Variants in SCMH1 observed in about 807,000 individuals in gnomAD.
The protein encoded by SCMH1 is polycomb protein SCMH1.
Under a neutral mutation model 70.8 loss-of-function variants are expected in SCMH1, and 37 were observed. The ratio of observed to expected loss-of-function variants is 0.52; its 90% CI spans 0.40 to 0.69. The LOEUF is 0.69. Ranked by LOEUF, SCMH1 falls within the 30% of genes least tolerant of loss-of-function variation. The pLI is 0.00. For synonymous variants in SCMH1, 292 were observed against 307.4 expected (o/e 0.95, Z 0.52); for missense variants, 607 against 827.3 (o/e 0.73, Z 3.27).
intron 13 of SCMH1, among the ~76,000 whole-genome samples, chr1:41,029,637 C>G (rs990626393): frequency 6.6e-6 from 1 of 152,198 alleles, no homozygotes; most frequent in African/African-American, 2.4e-5. Context: ...TTTTGACTAT[C>G]ATCTGTCAGA....
At chr1:41,188,948 T>A (rs771726417) in intron 1 of SCMH1, among the ~76,000 whole-genome samples, 1 of 152,098 alleles carries the variant, frequency 6.6e-6, no homozygotes, top group Non-Finnish European at 1.5e-5. Context: ...GAAAATTCAA[T>A]AAGAAAAGAC....
At chr1:41,107,439 C>T (rs1668230009) in intron 8 of SCMH1, among the ~76,000 whole-genome samples, 1 of 151,834 alleles carries the variant, frequency 6.6e-6, no homozygotes. Context: ...ATCAGGTGAC[C>T]TCATGTTGAG....
At chr1:41,128,755 T>G (rs1204783797) in intron 6 of SCMH1, among the ~76,000 whole-genome samples, 1 of 152,150 alleles carries the variant, frequency 6.6e-6, no homozygotes, top group Non-Finnish European at 1.5e-5. Flanking sequence ...TATGTGCTCC[T>G]TATCTCTCCT....
At chr1:41,039,053 AG>A (rs1158995488) in intron 12 of SCMH1, among the ~76,000 whole-genome samples, 1 of 152,230 alleles carries the variant, frequency 6.6e-6, no homozygotes, top group Non-Finnish European at 1.5e-5. Flanking sequence ...TCGGAGTTGA[AG>A]TGGCAAATCT....
At chr1:41,051,750 G>A (rs1648250086) in intron 10 of SCMH1, among the ~76,000 whole-genome samples, 1 of 152,092 alleles carries the variant, frequency 6.6e-6, no homozygotes. Flanking sequence ...TTTAAGCCAA[G>A]TGTTATTAAA....
intron 4 of SCMH1, among the ~76,000 whole-genome samples, chr1:41,157,847 T>A (rs772829530): frequency 6.6e-6 from 1 of 152,224 alleles, no homozygotes; most frequent in Non-Finnish European, 1.5e-5. Flanking sequence ...GTTCACATCA[T>A]ATCACCATAA....
intron 6 of SCMH1, among the ~76,000 whole-genome samples, chr1:41,136,075 C>T (rs1643264456): frequency 6.6e-6 from 1 of 151,988 alleles, no homozygotes; most frequent in South Asian, 2.1e-4. Flanking sequence ...TCCCAAGTAG[C>T]TGGGACTATG....
chr1:41,042,294 G>A (rs1435455425), intron 12 of SCMH1, among the ~76,000 whole-genome samples: 1 of 151,798 alleles, frequency 6.6e-6, no homozygotes, highest in African/African-American at 2.4e-5. Flanking sequence ...TGTCATCCAG[G>A]CTGGAGTGCA....
chr1:41,028,832 G>C, intron 13 of SCMH1, 106 bp from the exon 15 acceptor site: 1 of 1,248,092 alleles, frequency 8.0e-7, no homozygotes, highest in Non-Finnish European at 1.1e-6. Context: ...GCTCACAGTA[G>C]TGCCAGACGA....
intron 6 of SCMH1, among the ~76,000 whole-genome samples, chr1:41,125,061 T>C (rs1672841312): frequency 6.6e-6 from 1 of 152,234 alleles, no homozygotes; most frequent in African/African-American, 2.4e-5. Flanking sequence ...GTAATTTCCC[T>C]TTGTAATTTA....
At chr1:41,111,589 C>T (rs1669257236) in intron 8 of SCMH1, among the ~76,000 whole-genome samples, 2 of 152,182 alleles carry the variant, frequency 1.3e-5, no homozygotes, top group African/African-American at 4.8e-5. Flanking sequence ...GATCTGCCTG[C>T]CTTGGCCTCC....
intron 10 of SCMH1, among the ~76,000 whole-genome samples, chr1:41,057,933 C>A (rs891998265): frequency 6.6e-6 from 1 of 151,874 alleles, no homozygotes; most frequent in Admixed American, 6.6e-5. Flanking sequence ...TCAGCCTGGG[C>A]AACATGGCAA....
intron 4 of SCMH1, among the ~76,000 whole-genome samples, chr1:41,159,125 C>T (rs1645810345): frequency 6.6e-6 from 1 of 152,142 alleles, no homozygotes; most frequent in South Asian, 2.1e-4. Flanking sequence ...TGAGATTCCA[C>T]AGATCTACTG....
At position 41,179,394 on chromosome 1, in the gene SCMH1, C is replaced by CA. The variant is rs552334955; in HGVS notation, c.13+6726dup. ...AGCAGAACTGAAGGAAATAGAGACACAAAAAACCCTTCCAAAAAATCAATG... is the reference window on the plus strand; with the variant it reads ...AGCAGAACTGAAGGAAATAGAGACACAAAAAAACCCTTCCAAAAAATCAATG... On this transcript the variant is annotated intron_variant, in intron 2 of 14. Coordinates refer to ENST00000337495, the Ensembl canonical transcript of SCMH1. Among the ~76,000 whole-genome samples, 1,484 of 152,186 alleles carry CA rather than the reference C, an allele frequency of 9.8e-3. 11 individuals carry two copies. Among genetic ancestry groups the CA allele is most frequent in the Non-Finnish European group, 0.015 (990 of 68,000 alleles).
At chr1:41,116,760 T>C (rs908000493) in intron 7 of SCMH1, among the ~76,000 whole-genome samples, 162 bp downstream of exon 7, 2 of 151,074 alleles carry the variant, frequency 1.3e-5, no homozygotes, top group African/African-American at 4.8e-5. Flanking sequence ...TATAGTCTAA[T>C]ATATTCCTCT....
intron 9 of SCMH1, among the ~76,000 whole-genome samples, chr1:41,074,994 C>T (rs1005548989): frequency 6.6e-6 from 1 of 152,146 alleles, no homozygotes; most frequent in African/African-American, 2.4e-5. Flanking sequence ...TCCCGAGTAG[C>T]TGGGACTACA....
chr1:41,157,878 T>C (rs11209597), intron 4 of SCMH1, among the ~76,000 whole-genome samples: 3 of 152,252 alleles, frequency 2.0e-5, no homozygotes, highest in Non-Finnish European at 4.4e-5. Context: ...AAGCTCTTTA[T>C]GGATGGGGGC....
intron 13 of SCMH1, chr1:41,033,995 T>G: frequency 5.0e-6 from 8 of 1,613,832 alleles, no homozygotes; most frequent in Non-Finnish European, 6.8e-6. Flanking sequence ...GGGGAACGAT[T>G]TAGTTTCCAA....
At chr1:41,230,156 A>G (rs576977980) in intron 1 of SCMH1, among the ~76,000 whole-genome samples, 43 of 152,318 alleles carry the variant, frequency 2.8e-4, no homozygotes, top group African/African-American at 8.7e-4. Flanking sequence ...CAGAGATATG[A>G]TCTGATCTGT....
Sources: gnomAD v4.1 joint callset for allele counts (sites outside exome capture counted in the v4.1 genomes callset) on GRCh38, gnomAD v4.1.1 for gene constraint, MANE v1.5 for transcripts, NCBI Gene and HGNC (gene_info 2026-07-23, HGNC 2026-07-21) for gene names.